The following WASF2 variants were observed in gnomAD, a reference collection of about 807,000 sequenced individuals.
WASF2 encodes actin-binding protein WASF2.
A neutral mutation model predicts 45.0 loss-of-function variants in WASF2; 14 were observed. The ratio of observed to expected loss-of-function variants is 0.31; its 90% CI spans 0.21 to 0.49. The LOEUF (loss-of-function observed/expected upper bound fraction) is 0.49. Ranked by LOEUF, WASF2 falls within the 20% of genes least tolerant of loss-of-function variation. WASF2 has a pLI of 0.99. For synonymous variants in WASF2, 200 were observed against 236.3 expected, an observed-to-expected ratio of 0.85 and a Z score of 1.41; for missense variants, 439 against 636.1, an observed-to-expected ratio of 0.69 and a Z score of 3.33.
intron 1 of WASF2, among the ~76,000 whole-genome samples, chr1:27,454,177 A>ATTT (rs2017431021): frequency 5.0e-5 from 1 of 19,928 alleles, no homozygotes; most frequent in African/African-American, 1.4e-4. Flanking sequence ...ATATATATAT[A>ATTT]TATATATATA....
chr1:27,478,982 T>C (rs1472305081), intron 1 of WASF2, among the ~76,000 whole-genome samples: 1 of 152,132 alleles, frequency 6.6e-6, no homozygotes, highest in Non-Finnish European at 1.5e-5. Context: ...TATATAAGTT[T>C]TACCTTTAAA....
chr1:27,410,110 G>A lies in WASF2; in HGVS notation c.921C>T (p.Gly307=). ...ACCCGGGTTTAGGGCCTGGTGGAGA[G>A]CCTAGAGGAGGAGCTGGTGGTGGAT... is the stretch of plus-strand genomic sequence containing the variant. ...PSHPPPAPPL[G]SPPGPKPGFA... Residue 307 remains glycine (G), a synonymous_variant, in exon 8 of 9, where the codon GGC becomes GGT. Coordinates refer to ENST00000618852, the MANE Select transcript of WASF2 (RefSeq NM_006990.5). The surrounding 1 kb of genome is among the most constrained non-coding windows in gnomAD (Gnocchi z 4.2). The A allele has an allele frequency of 1.9e-6, 3 of 1,613,654 alleles. 1 individual carries two copies. The highest frequency in any genetic ancestry group is 8.5e-7 in the Non-Finnish European group (1 of 1,179,676).
intron 1 of WASF2, among the ~76,000 whole-genome samples, chr1:27,449,957 A>G (rs1295809323): frequency 1.3e-5 from 2 of 152,188 alleles, no homozygotes; most frequent in African/African-American, 4.8e-5. Flanking sequence ...CAGCCTGGCC[A>G]GCATGGTGAA....
At chr1:27,438,907 A>G (rs993423085) in intron 1 of WASF2, among the ~76,000 whole-genome samples, 11 of 152,252 alleles carry the variant, frequency 7.2e-5, no homozygotes, top group African/African-American at 2.4e-4. Flanking sequence ...AGTCAGCAGC[A>G]AAGGGCAGCT....
Position 27,454,125 on chromosome 1 carries a change from G to GTATA in WASF2, c.-43-25196_-43-25193dup, listed in dbSNP as rs201332321. Among the ~76,000 whole-genome samples, 8 of 89,280 alleles carry GTATA rather than the reference G, an allele frequency of 9.0e-5. No individual in the cohort carries two copies. In the East Asian group the frequency reaches 2.0e-3, roughly 23 times the overall value. The allele number at this position is 89,280 out of a possible 152,430, so 58.6% of individuals were successfully genotyped here. A position where few individuals can be genotyped will look rare whatever the true frequency, so the allele number is the denominator to read the frequency against. ...CATATATATGTGTATATATATGTGT[G>GTATA]TATATATATATGTGTGTGTGTGTGT... On this transcript the variant is annotated intron_variant, in intron 1 of 8. Coordinates refer to ENST00000618852, the MANE Select transcript of WASF2 (RefSeq NM_006990.5).
In WASF2 at chr1:27,427,331, G is replaced by A. The variant is rs1408711755; in HGVS notation, c.130+1430C>T. 3.3e-5 allele frequency among the ~76,000 whole-genome samples: 5 copies of A among 152,140 alleles called. No homozygotes were observed. The East Asian group carries it at 9.6e-4, about 29-fold the overall frequency. Reference sequence around the variant, plus strand: ...GAGAGAGAGCGTAACTTCAGTAAGTGGAAATAAGAAGCATCATTAGCTAGA... The same window carrying A: ...GAGAGAGAGCGTAACTTCAGTAAGTAGAAATAAGAAGCATCATTAGCTAGA... On this transcript the variant is annotated intron_variant, in intron 2 of 8. Coordinates refer to ENST00000618852, the MANE Select transcript of WASF2 (RefSeq NM_006990.5).
chr1:27,430,464 G>A (rs944232159), intron 1 of WASF2, among the ~76,000 whole-genome samples: 1 of 152,014 alleles, frequency 6.6e-6, no homozygotes, highest in East Asian at 1.9e-4. Flanking sequence ...GGGCTCAAGC[G>A]ATCCTCCTGC....
chr1:27,428,437 C>A (rs2017016456), intron 2 of WASF2, among the ~76,000 whole-genome samples: 1 of 152,254 alleles, frequency 6.6e-6, no homozygotes, highest in Admixed American at 6.5e-5. Context: ...GAACCTCCCA[C>A]TTTACACACA....
intron 1 of WASF2, among the ~76,000 whole-genome samples, chr1:27,458,084 CG>C (rs2017497009): frequency 6.6e-6 from 1 of 151,688 alleles, no homozygotes; most frequent in African/African-American, 2.4e-5. Context: ...CCGAGACAGG[CG>C]GATTGCCTGA....
chr1:27,415,054 AGATAATCT>A, intron 5 of WASF2, 91 bp from the exon 6 acceptor site: 1 of 1,488,806 alleles, frequency 6.7e-7, no homozygotes, highest in Non-Finnish European at 9.2e-7. Flanking sequence ...CGTATCTAAG[AGATAATCT>A]GCCTAGACAA....
Position 27,478,828 on chromosome 1 carries a change from C to T in WASF2, c.-44+11158G>A, listed in dbSNP as rs12097521. ...CCAATTCCCGACCTCAGGTGATCCA[C>T]CCGCCTCGACCTCACAAAGTGCTGG... On this transcript the variant is annotated intron_variant, in intron 1 of 8. Transcript: ENST00000618852. Among the ~76,000 whole-genome samples the T allele has an allele frequency of 9.4e-3, 1,425 of 152,186 alleles. 28 individuals are homozygous for T. Among genetic ancestry groups the T allele is most frequent in the African/African-American group, 0.032 (1,345 of 41,544 alleles).
At chr1:27,415,957 T>G in intron 5 of WASF2, 28 bp downstream of exon 5, 1 of 1,575,440 alleles carries the variant, frequency 6.3e-7, no homozygotes, top group Non-Finnish European at 8.7e-7. Flanking sequence ...CCTACTGATG[T>G]GGAGAACAGA....
Position 27,410,250 on chromosome 1 carries a change from G to A in WASF2, c.825-44C>T, listed in dbSNP as rs778135565. The A allele has an allele frequency of 7.5e-6, 12 of 1,609,120 alleles. No individual in the cohort carries two copies. Among genetic ancestry groups the A allele is most frequent in the African/African-American group, 1.3e-5 (1 of 74,948 alleles). On this transcript the variant is annotated intron_variant, in intron 7 of 8. Transcript: ENST00000618852. The surrounding 1 kb of genome is among the most constrained non-coding windows in gnomAD (Gnocchi z 4.2). Reference sequence around the variant, plus strand: ...AAAGACTCACCATCACCCTTAGAATGCAGACACCTATCTACAGTTAGCCTT... The same window carrying A: ...AAAGACTCACCATCACCCTTAGAATACAGACACCTATCTACAGTTAGCCTT...
chr1:27,480,741 G>A (rs1006256766), intron 1 of WASF2, among the ~76,000 whole-genome samples: 2 of 152,090 alleles, frequency 1.3e-5, no homozygotes, highest in African/African-American at 2.4e-5. Context: ...TGGGCCAGGT[G>A]CGGTGGCTCA....
chr1:27,468,878 G>A (rs559153485), intron 1 of WASF2, among the ~76,000 whole-genome samples: 2 of 147,870 alleles, frequency 1.4e-5, no homozygotes, highest in South Asian at 4.2e-4. Flanking sequence ...GGCTGAGATC[G>A]CGCCACTGCA....
At chr1:27,466,693 C>A (rs1005177015) in intron 1 of WASF2, among the ~76,000 whole-genome samples, 18 of 152,030 alleles carry the variant, frequency 1.2e-4, no homozygotes, top group African/African-American at 4.1e-4. Flanking sequence ...CATAATGAAG[C>A]CCGTCTCTAC....
At chr1:27,433,679 T>C (rs530948490) in intron 1 of WASF2, among the ~76,000 whole-genome samples, 1 of 152,318 alleles carries the variant, frequency 6.6e-6, no homozygotes, top group African/African-American at 2.4e-5. Context: ...AGCTAGCAAA[T>C]ATGAACTGAG....
rs533798267 is a variant in WASF2, at chr1:27,406,791, C to G, written c.*1398G>C. ...ACCTGGAGCCCCTCTGCCTTTCAGC[C>G]TGCTTCATGGCTGCCAGGCACCCCC... On this transcript the variant is annotated 3_prime_UTR_variant, in exon 9 of 9. Transcript: ENST00000618852. The G allele has an allele frequency of 2.0e-5, 3 of 152,376 alleles. No homozygotes were observed. Among genetic ancestry groups the G allele is most frequent in the African/African-American group, 7.2e-5 (3 of 41,556 alleles). The allele number at this position is 152,376 out of a possible 1,614,324, so 9.4% of individuals were successfully genotyped here.
chr1:27,475,835 C>G (rs974478280), intron 1 of WASF2, among the ~76,000 whole-genome samples: 15 of 152,106 alleles, frequency 9.9e-5, no homozygotes, highest in African/African-American at 3.6e-4. Flanking sequence ...ACCATGTTAC[C>G]CAGGCTGGTC....
Sources: allele counts gnomAD v4.1 joint callset (sites outside exome capture counted in the v4.1 genomes callset), GRCh38; gene constraint gnomAD v4.1.1; non-coding constraint Gnocchi (gnomAD v3.1); transcripts MANE v1.5; gene names NCBI Gene and HGNC (gene_info 2026-07-23, HGNC 2026-07-21).